LAMA5: variants seen among roughly 807,000 people sequenced by gnomAD.
LAMA5 encodes laminin subunit alpha 5.
Under a neutral mutation model 433.4 loss-of-function variants are expected in LAMA5, and 260 were observed. That is an observed-to-expected ratio of 0.60 (90% confidence interval 0.54 to 0.66). The LOEUF (loss-of-function observed/expected upper bound fraction) is 0.66, where lower values mean the gene tolerates loss of function less well. Ranked by LOEUF, LAMA5 falls within the 30% of genes least tolerant of loss-of-function variation. The probability of loss-of-function intolerance (pLI) is 0.00; values close to 1 mark genes in which losing one functional copy is unlikely to be tolerated. For synonymous variants in LAMA5, 2,620 were observed against 2,226.6 expected, an observed-to-expected ratio of 1.18 and a Z score of -4.97; for missense variants, 5,378 against 5,258.5, an observed-to-expected ratio of 1.02 and a Z score of -0.70.
intron 16 of LAMA5, chr20:62,337,069 C>G: frequency 1.6e-6 from 1 of 639,744 alleles, no homozygotes; most frequent in Non-Finnish European, 2.9e-6. Context: ...CACGTCTGAA[C>G]AAGCACACAA....
intron 11 of LAMA5, chr20:62,345,491 C>G: frequency 2.2e-6 from 1 of 449,980 alleles, no homozygotes; most frequent in Non-Finnish European, 4.2e-6. Flanking sequence ...ACTGCAGCTT[C>G]GGCCTTCCAG....
chr20:62,318,421 G>A lies in LAMA5; in HGVS notation c.7239+33C>T, dbSNP rs778054877. 33 of 1,565,634 alleles carry A rather than the reference G, an allele frequency of 2.1e-5. No individual in the cohort carries two copies. In the Admixed American group the frequency reaches 5.4e-4, roughly 26 times the overall value. On this transcript the variant is annotated intron_variant, in intron 53 of 79. Coordinates refer to ENST00000252999, the MANE Select transcript of LAMA5 (RefSeq NM_005560.6). ...GATTGCAGGGAGGAGGCGGGAAGAGGAGCAGGAGGAAGAACAAGTCCGGGG... is the reference window on the plus strand; with the variant it reads ...GATTGCAGGGAGGAGGCGGGAAGAGAAGCAGGAGGAAGAACAAGTCCGGGG...
At chr20:62,314,191 C>T (rs1039338691) in intron 62 of LAMA5, 113 bp downstream of exon 62, 7 of 1,320,000 alleles carry the variant, frequency 5.3e-6, no homozygotes, top group South Asian at 1.4e-5. Flanking sequence ...CGAGGGGTGG[C>T]GAGTGGGCAT....
rs752323363 is a variant in LAMA5 at position 62,311,143 on chromosome 20, C to A, written c.10088+19G>T. On this transcript the variant is annotated intron_variant, in intron 73 of 79. Transcript: ENST00000252999. The stretch of plus-strand genomic sequence containing the variant: ...CTGCGCGGCCCCTCTCAGCCCACCC[C>A]AGCCGGGCCTGGCCTTACCAGTTCC... 4 of 1,567,168 alleles carry A rather than the reference C, an allele frequency of 2.6e-6. No individual in the cohort carries two copies. The highest frequency in any genetic ancestry group is 3.7e-5 in the Admixed American group (2 of 53,778).
rs769104102 is a variant in LAMA5 at position 62,317,043 on chromosome 20, C to T, written c.7512-20G>A. On this transcript the variant is annotated intron_variant, in intron 55 of 79. Coordinates refer to ENST00000252999, the MANE Select transcript of LAMA5 (RefSeq NM_005560.6). The stretch of plus-strand genomic sequence containing the variant: ...ATGATGCTGCAGCGGAAGGGAGGGT[C>T]GAAGGAGTGGGTAAGCGCAGACGCC... The T allele has an allele frequency of 1.2e-5, 18 of 1,514,854 alleles. No homozygotes were observed. Among genetic ancestry groups the T allele is most frequent in the South Asian group, 2.6e-5 (2 of 76,548 alleles). 93.8% of individuals were successfully genotyped at this position (1,514,854 alleles called of 1,614,324 possible). A position where few individuals can be genotyped will look rare whatever the true frequency, so the allele number is the denominator to read the frequency against.
In LAMA5 at chr20:62,316,879, C is replaced by G. The variant is rs1214189339; in HGVS notation, c.7653+3G>C. ...GGGGCTGAGGGGAAGTGAGGGGCCT[C>G]ACCGCCCACGTGTGGTCCGCCTGCT... On this transcript the variant is annotated splice_donor_region_variant and intron_variant, in intron 56 of 79. Coordinates refer to ENST00000252999, the MANE Select transcript of LAMA5 (RefSeq NM_005560.6). 4 of 1,530,814 alleles carry G rather than the reference C, an allele frequency of 2.6e-6. No homozygotes were observed. Among genetic ancestry groups the G allele is most frequent in the South Asian group, 1.2e-5 (1 of 83,188 alleles). The allele number at this position is 1,530,814 out of a possible 1,614,324, so 94.8% of individuals were successfully genotyped here.
chr20:62,332,688 T>G lies in LAMA5; in HGVS notation c.3312A>C (p.Pro1104=), dbSNP rs1980709649. 9 of 1,610,992 alleles carry G rather than the reference T, an allele frequency of 5.6e-6. No homozygotes were observed. The highest frequency in any genetic ancestry group is 6.8e-6 in the Non-Finnish European group (8 of 1,179,228). ...DVDVQLQVAV[P]QPGRYALVVE... ...CCACTAGGGCATAGCGGCCTGGCTGTGGCACTGCCACTTGAAGCTGGACGT... is the reference window on the plus strand; with the variant it reads ...CCACTAGGGCATAGCGGCCTGGCTGGGGCACTGCCACTTGAAGCTGGACGT... Residue 1104 remains proline (P), a synonymous_variant, in exon 27 of 80, where the codon CCA becomes CCC. Coordinates refer to ENST00000252999, the MANE Select transcript of LAMA5 (RefSeq NM_005560.6).
At position 62,312,522 on chromosome 20, in the gene LAMA5, G is replaced by A; in HGVS notation, c.9238C>T (p.Leu3080Phe). 6.3e-7 allele frequency: 1 copy of A among 1,599,146 alleles called. No homozygotes were observed. Among genetic ancestry groups the A allele is most frequent in the East Asian group, 2.2e-5 (1 of 44,862 alleles). The change falls in exon 68 of 80, where the codon CTC becomes TTC. Residue 3080 changes from leucine (L) to phenylalanine (F), a missense_variant. Physicochemically the swap from Leu to Phe is conservative, Grantham distance 22. Coordinates refer to ENST00000252999, the MANE Select transcript of LAMA5 (RefSeq NM_005560.6). ...PDQLPPSLRR[L>F]FPTGGSVRGC... ...CGGACTGAGCCTCCGGTGGGGAAGA[G>A]CCGTCGCAGGCTGTGGGGAAGCGGG... is the stretch of plus-strand genomic sequence containing the variant.
intron 72 of LAMA5, 47 bp from the exon 73 acceptor site, chr20:62,311,354 C>T: frequency 2.0e-6 from 3 of 1,521,078 alleles, no homozygotes; most frequent in Non-Finnish European, 2.6e-6. Flanking sequence ...ACAGGGGCCA[C>T]CCTTCCAGCC....
intron 1 of LAMA5, among the ~76,000 whole-genome samples, chr20:62,362,879 G>T (rs74621976): frequency 0.011 from 1,601 of 149,468 alleles, 40 homozygotes; most frequent in African/African-American, 0.038. Context: ...AAGGGGGGGG[G>T]TGTGCTCTAG....
Position 62,314,653 on chromosome 20 carries a change from C to T in LAMA5, c.8269G>A (p.Ala2757Thr), listed in dbSNP as rs762279213. 4.3e-6 allele frequency: 7 copies of T among 1,612,668 alleles called. No homozygotes were observed. In the South Asian group the frequency reaches 4.4e-5, roughly 10 times the overall value. Residue 2757 changes from alanine to threonine, a missense_variant, in exon 61 of 80, where the codon GCT becomes ACT. By Grantham distance (58) the Ala-to-Thr change is moderately conservative. Transcript: ENST00000252999. ...LRTPRDLADL[A>T]AYTALKFYLQ... Reference sequence around the variant, plus strand: ...TAGAACTTGAGGGCAGTGTAGGCAGCAAGGTCGGCAAGATCCCGTGGGGTG... The same window carrying T: ...TAGAACTTGAGGGCAGTGTAGGCAGTAAGGTCGGCAAGATCCCGTGGGGTG...
At position 62,352,444 on chromosome 20, in the gene LAMA5, G is replaced by A. The variant is rs7354304; in HGVS notation, c.569-84C>T. The A allele has an allele frequency of 4.6e-4, 464 of 1,018,312 alleles. 2 individuals are homozygous for A. In the African/African-American group the frequency reaches 6.0e-3, roughly 13 times the overall value. The allele number at this position is 1,018,312 out of a possible 1,614,324, so 63.1% of individuals were successfully genotyped here. A position where few individuals can be genotyped will look rare whatever the true frequency, so the allele number is the denominator to read the frequency against. ...GGTGCCCGGGCCCCTTGACGTCTCCGGGCCTTGCCACTGAGGCTCCCACAG... is the reference window on the plus strand; with the variant it reads ...GGTGCCCGGGCCCCTTGACGTCTCCAGGCCTTGCCACTGAGGCTCCCACAG... On this transcript the variant is annotated intron_variant, in intron 3 of 79. Coordinates refer to ENST00000252999, the MANE Select transcript of LAMA5 (RefSeq NM_005560.6).
At position 62,328,397 on chromosome 20, in the gene LAMA5, A is replaced by G; in HGVS notation, c.4496T>C (p.Ile1499Thr). Residue 1499 changes from isoleucine (I) to threonine (T), a missense_variant, in exon 35 of 80, where the codon ATC (isoleucine) becomes ACC (threonine). Coordinates refer to ENST00000252999, the MANE Select transcript of LAMA5 (RefSeq NM_005560.6). ...GGGCGGGATGGTGCGTGGCGGGCAG[A>G]TGCACTGGCCCGTGAGCTCGTCACA... is the stretch of plus-strand genomic sequence containing the variant. The part of the protein sequence containing the change: ...RLCDELTGQC[I>T]CPPRTIPPDC... The G allele has an allele frequency of 6.4e-7, 1 of 1,552,086 alleles. No individual in the cohort carries two copies. The highest frequency in any genetic ancestry group is 8.7e-7 in the Non-Finnish European group (1 of 1,146,850).
Position 62,332,385 on chromosome 20 carries a change from G to A in LAMA5, c.3539C>T (p.Ala1180Val). 6.2e-7 allele frequency: 1 copy of A among 1,611,702 alleles called. No homozygotes were observed. Among genetic ancestry groups the A allele is most frequent in the Non-Finnish European group, 8.5e-7 (1 of 1,179,028 alleles). The change falls in exon 28 of 80, where the codon GCA (alanine) becomes GTA (valine). Residue 1180 changes from alanine to valine, a missense_variant. Ala to Val is a moderately conservative substitution (Grantham distance 64). Coordinates refer to ENST00000252999, the MANE Select transcript of LAMA5 (RefSeq NM_005560.6). ...AGGGGTCCTTACCAGGAAGAAGCGTGCCTGTTCGGCTGTGAGCCTCACGCT... is the reference window on the plus strand; with the variant it reads ...AGGGGTCCTTACCAGGAAGAAGCGTACCTGTTCGGCTGTGAGCCTCACGCT... The part of the protein sequence containing the change: ...EASVRLTAEQ[A>V]RFFLHGVTLV...
intron 40 of LAMA5, 151 bp downstream of exon 40, chr20:62,326,526 T>C: frequency 1.6e-6 from 1 of 616,808 alleles, no homozygotes; most frequent in South Asian, 1.9e-5. Flanking sequence ...TGACAATGGG[T>C]GTGGGGACCT....
rs80349931 is a variant in LAMA5 at position 62,332,158 on chromosome 20, T to C, written c.3552+214A>G. On this transcript the variant is annotated intron_variant, in intron 28 of 79. Transcript: ENST00000252999. ...GGAGCTGTGACTGCAGGTGCTTTCCTGAGCACATGGAACAGCTCGGGGGTA... is the reference window on the plus strand; with the variant it reads ...GGAGCTGTGACTGCAGGTGCTTTCCCGAGCACATGGAACAGCTCGGGGGTA... Among the ~76,000 whole-genome samples, 5,450 of 152,260 alleles carry C rather than the reference T, an allele frequency of 0.036. 111 individuals are homozygous for C. The highest frequency in any genetic ancestry group is 0.05 in the African/African-American group (2,061 of 41,552).
Position 62,311,488 on chromosome 20 carries a change from G to A in LAMA5, c.9855C>T (p.Ser3285=), listed in dbSNP as rs775455699. 3.3e-5 allele frequency: 53 copies of A among 1,610,530 alleles called. No individual in the cohort carries two copies. The East Asian group carries it at 3.6e-4, about 11-fold the overall frequency. Reference sequence around the variant, plus strand: ...GTGCACAGCCCGTGCTCACATTGACGCTGCCCAGGTTCTGCTGCAGATCAA... The same window carrying A: ...GTGCACAGCCCGTGCTCACATTGACACTGCCCAGGTTCTGCTGCAGATCAA... ...RVFDLQQNLG[S]VNVSTGCAPA... is the part of the protein sequence containing the mutation. Residue 3285 remains serine, a synonymous_variant, in exon 72 of 80, where the codon AGC becomes AGT. Coordinates refer to ENST00000252999, the MANE Select transcript of LAMA5 (RefSeq NM_005560.6).
At position 62,311,921 on chromosome 20, in the gene LAMA5, C is replaced by T; in HGVS notation, c.9634G>A (p.Gly3212Arg). The T allele has an allele frequency of 6.2e-7, 1 of 1,609,900 alleles. No individual in the cohort carries two copies. The highest frequency in any genetic ancestry group is 1.7e-5 in the Admixed American group (1 of 59,790). ...TGAGGGCCCAGCGGCCAGGCTCACC[C>T]CGTGGCATTGCTGTAGAAGGCGACG... Reference protein sequence around the residue: ...HYVAFYSNATGVWLYVDDQLQ... With the variant: ...HYVAFYSNATRVWLYVDDQLQ... Residue 3212 changes from glycine (G) to arginine (R), a missense_variant and splice_region_variant, in exon 70 of 80, where the codon GGA (glycine) becomes AGA (arginine). Gly to Arg is a moderately radical substitution (Grantham distance 125). Coordinates refer to ENST00000252999, the MANE Select transcript of LAMA5 (RefSeq NM_005560.6).
At position 62,316,691 on chromosome 20, in the gene LAMA5, T is replaced by C; in HGVS notation, c.7736A>G (p.Glu2579Gly). ...CTCACCAAGGCCCAGCCTCTGCTGT[T>C]CCTGGAGCATGGCCTCTTCTAGTGC... The part of the protein sequence containing the change: ...STALEEAMLQ[E>G]QQRLGLVWAA... The change falls in exon 57 of 80, where the codon GAA becomes GGA. Residue 2579 changes from glutamate (E) to glycine (G), a missense_variant. By Grantham distance (98) the Glu-to-Gly change is moderately conservative. Transcript: ENST00000252999. 1.2e-6 allele frequency: 2 copies of C among 1,605,846 alleles called. No homozygotes were observed. The highest frequency in any genetic ancestry group is 1.7e-6 in the Non-Finnish European group (2 of 1,175,456).
Sources: gnomAD v4.1 joint callset for allele counts (sites outside exome capture counted in the v4.1 genomes callset) on GRCh38, gnomAD v4.1.1 for gene constraint, MANE v1.5 for transcripts, NCBI Gene and HGNC (gene_info 2026-07-23, HGNC 2026-07-21) for gene names.